Variants in DNAH3 observed in about 807,000 individuals in gnomAD.
DNAH3 encodes the protein dynein axonemal heavy chain 3, also known as axonemal beta dynein heavy chain 3.
In DNAH3, 332 loss-of-function variants were observed where a neutral mutation model predicts 432.5. That is an observed-to-expected ratio of 0.77 (90% CI 0.70 to 0.84). The LOEUF is 0.84. Ranked by LOEUF, DNAH3 falls within the 40% of genes least tolerant of loss-of-function variation. The pLI, the probability that DNAH3 is intolerant of heterozygous loss-of-function variation, is 0.00. For synonymous variants in DNAH3, 1,956 were observed against 1,900.2 expected (o/e 1.03, Z -0.76); for missense variants, 4,861 against 5,114.0 (o/e 0.95, Z 1.51).
intron 1 of DNAH3, among the ~76,000 whole-genome samples, chr16:21,153,869 C>T (rs555800460): frequency 1.7e-4 from 26 of 152,334 alleles, no homozygotes; most frequent in African/African-American, 4.1e-4. Flanking sequence ...TTTTTCTACT[C>T]CTTTTCCTCA....
intron 60 of DNAH3, among the ~76,000 whole-genome samples, chr16:20,936,061 T>C (rs1283109226): frequency 6.6e-6 from 1 of 152,174 alleles, no homozygotes; most frequent in Non-Finnish European, 1.5e-5. Flanking sequence ...AAAAAATCAA[T>C]GTTTACATGC....
At chr16:21,011,528 T>G (rs1226518150) in intron 41 of DNAH3, among the ~76,000 whole-genome samples, 7 of 152,088 alleles carry the variant, frequency 4.6e-5, no homozygotes, top group Admixed American at 3.9e-4. Flanking sequence ...GGCTAATTTT[T>G]CTTTGTATTT....
chr16:21,129,567 CAAAAAA>C (rs555280776), intron 7 of DNAH3, among the ~76,000 whole-genome samples: 4 of 78,052 alleles, frequency 5.1e-5, no homozygotes, highest in African/African-American at 1.8e-4. Flanking sequence ...CCTATCTCTA[CAAAAAA>C]AAAAAAAAAA....
chr16:21,098,590 T>C lies in DNAH3; in HGVS notation c.2520+26A>G, dbSNP rs183662653. 7.0e-4 allele frequency: 1,126 copies of C among 1,600,232 alleles called. 7 individuals carry two copies. In the African/African-American group the frequency reaches 0.013, roughly 18 times the overall value. The stretch of plus-strand genomic sequence containing the variant: ...GAACCAATAGACCAGTACAGTGTCA[T>C]AAGTCCCCATCTCAAGATCCCAAAC... On this transcript the variant is annotated intron_variant, in intron 17 of 61. Coordinates refer to ENST00000261383, the Ensembl canonical transcript of DNAH3.
intron 18 of DNAH3, among the ~76,000 whole-genome samples, chr16:21,095,295 T>C (rs1345634265): frequency 6.6e-6 from 1 of 152,206 alleles, no homozygotes; most frequent in Non-Finnish European, 1.5e-5. Flanking sequence ...TTTATAATAG[T>C]CTGAGAGTGA....
chr16:20,989,012 C>T (rs922249758), intron 44 of DNAH3, among the ~76,000 whole-genome samples: 4 of 152,158 alleles, frequency 2.6e-5, no homozygotes, highest in Admixed American at 6.5e-5. Flanking sequence ...TGTTACAGCT[C>T]ATAAAAGCAG....
chr16:21,158,776 C>T (rs1349588264), intron 1 of DNAH3: 3 of 154,032 alleles, frequency 1.9e-5, no homozygotes, highest in East Asian at 1.9e-4. Context: ...GGGTGGGGGT[C>T]CGGGTGCCCC....
intron 13 of DNAH3, 53 bp from the exon 14 acceptor site, chr16:21,111,857 T>C: frequency 1.3e-6 from 2 of 1,596,288 alleles, no homozygotes; most frequent in Non-Finnish European, 1.7e-6. Flanking sequence ...CCTCTCCCAC[T>C]TGCCCCCAGC....
exon 46 of DNAH3, chr16:20,987,778 G>A (rs1371808056): frequency 2.5e-6 from 4 of 1,614,094 alleles, no homozygotes; most frequent in East Asian, 2.2e-5. Flanking sequence ...TGACTTCGAG[G>A]GAGTTGGCAA....
rs920014477 is a variant in DNAH3 at position 21,022,324 on chromosome 16, G to A, written c.5647-224C>T. Reference sequence around the variant, plus strand: ...GCCATGTTAACTCAGTTTCCCATCCGCATTCCACTGCCCAGAGCTGATACT... The same window carrying A: ...GCCATGTTAACTCAGTTTCCCATCCACATTCCACTGCCCAGAGCTGATACT... On this transcript the variant is annotated intron_variant, in intron 39 of 61. Coordinates refer to ENST00000261383, the Ensembl canonical transcript of DNAH3. Among the ~76,000 whole-genome samples the A allele has an allele frequency of 9.2e-5, 14 of 152,282 alleles. No individual in the cohort carries two copies. The East Asian group carries it at 1.5e-3, about 17-fold the overall frequency.
intron 41 of DNAH3, among the ~76,000 whole-genome samples, chr16:21,009,244 A>G (rs919226957): frequency 1.3e-5 from 2 of 152,264 alleles, no homozygotes; most frequent in African/African-American, 4.8e-5. Flanking sequence ...TTAAAATGAT[A>G]GTTGCAAAAG....
chr16:20,960,121 G>A (rs2084751201), intron 53 of DNAH3, among the ~76,000 whole-genome samples: 1 of 151,976 alleles, frequency 6.6e-6, no homozygotes, highest in African/African-American at 2.4e-5. Context: ...AAATTTATAT[G>A]AATTGTAGAA....
At chr16:21,158,114 C>T (rs529151614) in intron 1 of DNAH3, among the ~76,000 whole-genome samples, 2 of 152,234 alleles carry the variant, frequency 1.3e-5, no homozygotes, top group East Asian at 1.9e-4. Flanking sequence ...CCATGCAAAC[C>T]GAGGAATTTG....
chr16:20,954,256 A>G (rs2084454680), intron 55 of DNAH3, among the ~76,000 whole-genome samples: 2 of 149,528 alleles, frequency 1.3e-5, no homozygotes. Context: ...GTATGAATAT[A>G]TAACATTTTG....
intron 11 of DNAH3, among the ~76,000 whole-genome samples, chr16:21,119,633 G>C (rs2152810754): frequency 6.7e-6 from 1 of 148,746 alleles, no homozygotes; most frequent in East Asian, 2.0e-4. Flanking sequence ...TTTCACTCTT[G>C]TTGCCCAGGC....
chr16:20,949,277 A>AG (rs932669127), intron 56 of DNAH3, among the ~76,000 whole-genome samples: 1 of 151,074 alleles, frequency 6.6e-6, no homozygotes, highest in Non-Finnish European at 1.5e-5. Context: ...AAAAAAAAAA[A>AG]AAAAAAAGAC....
chr16:20,970,063 T>G, intron 51 of DNAH3, 73 bp from the exon 52 acceptor site: 1 of 1,391,834 alleles, frequency 7.2e-7, no homozygotes, highest in African/African-American at 1.4e-5. Flanking sequence ...AGAGCTCCAC[T>G]CCTACATGAG....
intron 22 of DNAH3, 52 bp from the exon 23 acceptor site, chr16:21,069,646 C>A (rs2090709641): frequency 3.3e-6 from 5 of 1,507,790 alleles, no homozygotes; most frequent in Non-Finnish European, 4.6e-6. Flanking sequence ...CTCTGCATCA[C>A]AGGCCCATGG....
Position 21,057,947 on chromosome 16 carries a change from A to G in DNAH3, c.3924+139T>C. 4.6e-6 allele frequency: 3 copies of G among 653,924 alleles called. No individual in the cohort carries two copies. In the Admixed American group the frequency reaches 7.1e-5, roughly 15 times the overall value. 40.5% of individuals were successfully genotyped at this position (653,924 alleles called of 1,614,324 possible). On this transcript the variant is annotated intron_variant, in intron 27 of 61. Transcript: ENST00000261383. ...CCAAATTCTCCATCCCACTGTCCTCATGGGAACCCTGATGTCTGTGATGCT... is the reference window on the plus strand; with the variant it reads ...CCAAATTCTCCATCCCACTGTCCTCGTGGGAACCCTGATGTCTGTGATGCT...
Sources: gnomAD v4.1 joint callset for allele counts (sites outside exome capture counted in the v4.1 genomes callset) on GRCh38, gnomAD v4.1.1 for gene constraint, MANE v1.5 for transcripts, NCBI Gene and HGNC (gene_info 2026-07-23, HGNC 2026-07-21) for gene names.